LNPK: variants seen among roughly 807,000 people sequenced by gnomAD.
The protein encoded by LNPK is lunapark, ER junction formation factor.
A neutral mutation model predicts 55.2 loss-of-function variants in LNPK; 29 were observed. The ratio of observed to expected loss-of-function variants is 0.53; its 90% CI spans 0.39 to 0.72. The LOEUF (loss-of-function observed/expected upper bound fraction) is 0.72, where lower values mean the gene tolerates loss of function less well. LNPK is among the 30% of genes least tolerant of loss of function. The pLI, the probability that LNPK is intolerant of heterozygous loss-of-function variation, is 0.00. For missense variants in LNPK, 467 were observed against 494.8 expected (o/e 0.94, Z 0.53); for synonymous variants, 162 against 168.2 (o/e 0.96, Z 0.29).
At chr2:175,931,321 G>A (rs539862938) in intron 12 of LNPK, among the ~76,000 whole-genome samples, 40 of 152,200 alleles carry the variant, frequency 2.6e-4, no homozygotes, top group African/African-American at 9.6e-4. Flanking sequence ...GTATAATAAA[G>A]GTCAGTTTTG....
chr2:175,962,102 C>T (rs1686065257), intron 8 of LNPK, among the ~76,000 whole-genome samples: 1 of 152,176 alleles, frequency 6.6e-6, no homozygotes, highest in African/African-American at 2.4e-5. Context: ...TAGGAAGAAT[C>T]AATATCGTGA....
chr2:175,945,700 G>A (rs1011773011), intron 9 of LNPK, among the ~76,000 whole-genome samples: 1 of 152,100 alleles, frequency 6.6e-6, no homozygotes, highest in South Asian at 2.1e-4. Context: ...ACTTGCAAGA[G>A]TATTTTACTT....
chr2:176,002,366 C>G (rs1045963390), upstream of LNPK: 222 of 374,258 alleles, frequency 5.9e-4, no homozygotes, highest in African/African-American at 4.3e-3. Flanking sequence ...GTGACCGTAC[C>G]CTGGGCGGGT....
At chr2:175,987,687 AT>A (rs535880109) in intron 4 of LNPK, among the ~76,000 whole-genome samples, 1 of 145,328 alleles carries the variant, frequency 6.9e-6, no homozygotes, top group South Asian at 2.2e-4. Context: ...AAAAAAAAAA[AT>A]CACTACATTC....
At chr2:175,943,063 A>C (rs544460568) in intron 9 of LNPK, among the ~76,000 whole-genome samples, 1 of 151,894 alleles carries the variant, frequency 6.6e-6, no homozygotes, top group South Asian at 2.1e-4. Context: ...AGGTTAGATA[A>C]AATGGACGAA....
intron 9 of LNPK, among the ~76,000 whole-genome samples, chr2:175,941,367 T>C (rs1684833768): frequency 6.6e-6 from 1 of 151,538 alleles, no homozygotes; most frequent in Non-Finnish European, 1.5e-5. Context: ...ACTATTTAAA[T>C]AATGCATATT....
At chr2:175,965,461 C>T (rs1488915609) in intron 6 of LNPK, among the ~76,000 whole-genome samples, 2 of 152,054 alleles carry the variant, frequency 1.3e-5, no homozygotes, top group Non-Finnish European at 2.9e-5. Flanking sequence ...AGTGCTTTTG[C>T]AAAAATTGGA....
At chr2:175,997,706 T>TGTGTGTGTGC (rs1491528477) in intron 1 of LNPK, among the ~76,000 whole-genome samples, 4 of 1,558 alleles carry the variant, frequency 2.6e-3, no homozygotes, top group Admixed American at 0.019. Flanking sequence ...ACAAATGCTC[T>TGTGTGTGTGC]GTGTGTGTGT....
chr2:176,002,081 G>A, intron 1 of LNPK, 79 bp downstream of exon 1: 1 of 331,068 alleles, frequency 3.0e-6, no homozygotes, highest in Non-Finnish European at 5.9e-6. Flanking sequence ...GGAACCCGCA[G>A]CTTATTTCCC....
intron 9 of LNPK, 75 bp downstream of exon 9, chr2:175,947,405 C>G: frequency 8.1e-6 from 10 of 1,236,342 alleles, no homozygotes; most frequent in Non-Finnish European, 1.2e-5. Context: ...TTCCATACCA[C>G]CTGAAAATGG....
chr2:176,002,406 A>G, upstream of LNPK: 1 of 348,126 alleles, frequency 2.9e-6, no homozygotes, highest in Non-Finnish European at 5.5e-6. Context: ...CCGGGAGGTT[A>G]GGATCTTGTG....
chr2:175,955,986 A>T (rs1186535045), intron 8 of LNPK, among the ~76,000 whole-genome samples: 1 of 152,146 alleles, frequency 6.6e-6, no homozygotes, highest in African/African-American at 2.4e-5. Flanking sequence ...AGGGTCAGTT[A>T]AGGATTTTTT....
In LNPK at chr2:175,993,207, A is replaced by G. The variant is rs1309191779; in HGVS notation, c.44T>C (p.Val15Ala). 1 of 1,563,244 alleles carries G rather than the reference A, an allele frequency of 6.4e-7. No individual in the cohort carries two copies. Among genetic ancestry groups the G allele is most frequent in the Non-Finnish European group, 8.7e-7 (1 of 1,150,790 alleles). Residue 15 changes from valine to alanine, a missense_variant, in exon 3 of 13, where the codon GTA becomes GCA. By Grantham distance (64) the Val-to-Ala change is moderately conservative. Transcript: ENST00000272748. Reference sequence around the variant, plus strand: ...CTTATCTATACTTTCTAGAACTTCTACAGTTGAAGGTTTTGTCTGTTATAC... The same window carrying G: ...CTTATCTATACTTTCTAGAACTTCTGCAGTTGAAGGTTTTGTCTGTTATAC... Reference protein sequence around the residue: ...FSRWRTKPSTVEVLESIDKEI... With the variant: ...FSRWRTKPSTAEVLESIDKEI...
intron 12 of LNPK, chr2:175,932,188 C>G: frequency 2.2e-6 from 1 of 455,046 alleles, no homozygotes; most frequent in Non-Finnish European, 4.4e-6. Context: ...TATCAAAATT[C>G]AAGGCTTGTC....
chr2:175,970,699 T>C, intron 6 of LNPK, 65 bp downstream of exon 6: 1 of 901,078 alleles, frequency 1.1e-6, no homozygotes, highest in African/African-American at 1.8e-5. Context: ...TTCCAACACA[T>C]AAACATTAAT....
chr2:176,001,931 C>T (rs952719304), intron 1 of LNPK, among the ~76,000 whole-genome samples: 4 of 152,244 alleles, frequency 2.6e-5, no homozygotes, highest in African/African-American at 7.2e-5. Flanking sequence ...CCAGCGCCAC[C>T]ACTGCCAGTG....
At chr2:175,962,443 A>G (rs567649420) in intron 8 of LNPK, among the ~76,000 whole-genome samples, 4 of 152,342 alleles carry the variant, frequency 2.6e-5, no homozygotes, top group Admixed American at 2.6e-4. Flanking sequence ...GACAAAAACA[A>G]GAAATGGGGA....
chr2:175,947,335 T>C (rs973580068), intron 9 of LNPK, 145 bp downstream of exon 9: 56 of 638,542 alleles, frequency 8.8e-5, no homozygotes, highest in Non-Finnish European at 1.4e-4. Flanking sequence ...TATGGCTAAT[T>C]GAATATGGAA....
chr2:175,967,312 A>T (rs1449047302), intron 6 of LNPK, among the ~76,000 whole-genome samples: 1 of 152,172 alleles, frequency 6.6e-6, no homozygotes, highest in African/African-American at 2.4e-5. Flanking sequence ...CAACATTGTG[A>T]TGAGTTATAT....
Sources: gnomAD v4.1 joint callset for allele counts (sites outside exome capture counted in the v4.1 genomes callset) on GRCh38, gnomAD v4.1.1 for gene constraint, MANE v1.5 for transcripts, NCBI Gene and HGNC (gene_info 2026-07-23, HGNC 2026-07-21) for gene names.